TARS3: variants seen among roughly 807,000 people sequenced by gnomAD.
TARS3 encodes the protein threonyl-tRNA synthetase 3.
TARS3 carries 94 observed loss-of-function variants against 103.5 expected under a neutral mutation model. The observed-to-expected ratio is 0.91, with a 90% CI of 0.77 to 1.08. The LOEUF is 1.08. TARS3 is among the 50% of genes least tolerant of loss of function. TARS3 has a pLI of 0.00. For synonymous variants in TARS3, 416 were observed against 355.4 expected (o/e 1.17, Z -1.92); for missense variants, 952 against 995.2 (o/e 0.96, Z 0.58).
At chr15:101,655,169 T>C (rs62027587) in intron 18 of TARS3, among the ~76,000 whole-genome samples, 6,451 of 97,708 alleles carry the variant, frequency 0.066, 188 homozygotes, top group Middle Eastern at 0.09. Flanking sequence ...TCACACTGAC[T>C]CCACCTGGCA....
At chr15:101,711,784 G>C in intron 5 of TARS3, 96 bp downstream of exon 5, 2 of 1,390,632 alleles carry the variant, frequency 1.4e-6, no homozygotes, top group Non-Finnish European at 1.9e-6. Context: ...CATTATGTAA[G>C]GGCCAGCAGT....
intron 10 of TARS3, 68 bp downstream of exon 10, chr15:101,701,018 T>C: frequency 2.8e-6 from 3 of 1,076,820 alleles, no homozygotes; most frequent in South Asian, 1.7e-5. Flanking sequence ...ACCACTTTAT[T>C]ATGAGAGAAA....
intron 10 of TARS3, among the ~76,000 whole-genome samples, chr15:101,687,164 A>T (rs758634800): frequency 6.6e-6 from 1 of 152,132 alleles, no homozygotes; most frequent in Non-Finnish European, 1.5e-5. Flanking sequence ...GCACTTTGGG[A>T]GGCCAAGGTA....
rs770679135 is a variant in TARS3, at chr15:101,703,988, C to A, written c.996-51G>T. ...TCAGGCACAGTTACAGTGTTCTGGACTATTCATTATAAGCCATAATATCCT... is the reference window on the plus strand; with the variant it reads ...TCAGGCACAGTTACAGTGTTCTGGAATATTCATTATAAGCCATAATATCCT... On this transcript the variant is annotated intron_variant, in intron 7 of 18. Transcript: ENST00000335968. 9 of 1,329,628 alleles carry A rather than the reference C, an allele frequency of 6.8e-6. No individual in the cohort carries two copies. The Admixed American group carries it at 1.7e-4, about 25-fold the overall frequency. The allele number at this position is 1,329,628 out of a possible 1,614,324, so 82.4% of individuals were successfully genotyped here. A position where few individuals can be genotyped will look rare whatever the true frequency, so the allele number is the denominator to read the frequency against.
At chr15:101,678,687 C>A (rs974517732) in intron 12 of TARS3, among the ~76,000 whole-genome samples, 2 of 152,282 alleles carry the variant, frequency 1.3e-5, no homozygotes, top group South Asian at 4.1e-4. Flanking sequence ...GTGATTTTTA[C>A]TTCAATGATC....
chr15:101,672,016 G>A (rs1897826809), intron 13 of TARS3, among the ~76,000 whole-genome samples: 1 of 152,084 alleles, frequency 6.6e-6, no homozygotes, highest in Non-Finnish European at 1.5e-5. Context: ...AAGCATTAGG[G>A]AGGGGTCGCT....
At chr15:101,683,389 T>C (rs1048842987) in intron 12 of TARS3, among the ~76,000 whole-genome samples, 6 of 152,250 alleles carry the variant, frequency 3.9e-5, no homozygotes, top group African/African-American at 1.4e-4. Flanking sequence ...GGGTTAAACA[T>C]TAGGGTTAAT....
rs773906525 is a variant in TARS3 at position 101,714,926 on chromosome 15, T to C, written c.604A>G (p.Asn202Asp). The change falls in exon 4 of 19, where the codon AAT becomes GAT. Residue 202 changes from asparagine (N) to aspartate (D), a missense_variant. This residue lies in a region of TARS3 where 412 missense variants were observed against 364.2 expected (regional missense o/e 1.13). Transcript: ENST00000335968. ...LAESTVIAKVNGELWDLDRPL... is the reference protein window; with the variant it reads ...LAESTVIAKVDGELWDLDRPL... Reference sequence around the variant, plus strand: ...CGGTCCAGGTCCCACAGTTCACCATTGACTTTGGCTATTACCGTGCTTTCA... The same window carrying C: ...CGGTCCAGGTCCCACAGTTCACCATCGACTTTGGCTATTACCGTGCTTTCA... The C allele has an allele frequency of 1.2e-6, 2 of 1,612,432 alleles. No homozygotes were observed. Among genetic ancestry groups the C allele is most frequent in the Admixed American group, 1.7e-5 (1 of 59,944 alleles).
At chr15:101,701,899 C>T (rs1899301145) in intron 9 of TARS3, among the ~76,000 whole-genome samples, 2 of 152,314 alleles carry the variant, frequency 1.3e-5, no homozygotes, top group Admixed American at 1.3e-4. Context: ...CCTCAGCTTC[C>T]AGAGTAGCTG....
intron 10 of TARS3, among the ~76,000 whole-genome samples, chr15:101,700,024 A>C (rs887405163): frequency 6.6e-6 from 1 of 152,052 alleles, no homozygotes. Flanking sequence ...CTGGAGTAGG[A>C]CCAAATTTGA....
intron 16 of TARS3, among the ~76,000 whole-genome samples, chr15:101,661,507 C>A (rs1758236753): frequency 6.6e-6 from 1 of 151,804 alleles, no homozygotes; most frequent in Admixed American, 6.6e-5. Flanking sequence ...ATTTTCTGAT[C>A]TGGCAAATCG....
chr15:101,684,001 A>C (rs1337508424), intron 12 of TARS3, 74 bp downstream of exon 12: 1 of 1,435,214 alleles, frequency 7.0e-7, no homozygotes, highest in East Asian at 2.4e-5. Flanking sequence ...AGTAACTCTG[A>C]AAGAATACAA....
chr15:101,678,741 T>C (rs1484742190), intron 12 of TARS3, among the ~76,000 whole-genome samples: 2 of 152,172 alleles, frequency 1.3e-5, no homozygotes, highest in Non-Finnish European at 2.9e-5. Context: ...AAATATATTG[T>C]ATTTACCTGT....
rs1897240013 is a variant in TARS3, at chr15:101,657,689, T to G, written c.2145+96A>C. 5 of 758,510 alleles carry G rather than the reference T, an allele frequency of 6.6e-6. No individual in the cohort carries two copies. In the South Asian group the frequency reaches 1.1e-4, roughly 16 times the overall value. The allele number at this position is 758,510 out of a possible 1,614,324, so 47.0% of individuals were successfully genotyped here. ...ACACGGTTTAAGCTAATGTGTCAGT[T>G]CTGCAATATTTTAAAGCATGAAGGA... On this transcript the variant is annotated intron_variant, in intron 17 of 18. Transcript: ENST00000335968.
chr15:101,699,669 A>G (rs1899159590), intron 10 of TARS3, among the ~76,000 whole-genome samples: 1 of 152,080 alleles, frequency 6.6e-6, no homozygotes, highest in Non-Finnish European at 1.5e-5. Context: ...ATCTCCTACC[A>G]TTGCCTCGCA....
rs770722272 is a variant in TARS3, at chr15:101,657,811, GCC to G, written c.2117_2118del (p.Gly706AlafsTer4). 6.2e-7 allele frequency: 1 copy of G among 1,609,504 alleles called. No homozygotes were observed. Among genetic ancestry groups the G allele is most frequent in the South Asian group, 1.1e-5 (1 of 90,246 alleles). ...SPRQVMVIPV[G>X]PTCEKYALQV... is the part of the protein sequence containing the mutation. The stretch of plus-strand genomic sequence containing the variant: ...TGAAGTGCATATTTTTCACAAGTTG[GCC>G]CCACAGGGATGACCATCACCTGACG... On this transcript the variant is annotated frameshift_variant, in exon 17 of 19. Coordinates refer to ENST00000335968, the MANE Select transcript of TARS3 (RefSeq NM_152334.3). LOFTEE classifies it high-confidence loss of function.
chr15:101,722,575 G>C (rs958353440), intron 2 of TARS3, among the ~76,000 whole-genome samples: 1 of 148,434 alleles, frequency 6.7e-6, no homozygotes, highest in African/African-American at 2.5e-5. Context: ...GGGAAGCCAA[G>C]GTGGGCGGAT....
At chr15:101,696,305 C>T (rs758418052) in intron 10 of TARS3, among the ~76,000 whole-genome samples, 1 of 149,624 alleles carries the variant, frequency 6.7e-6, no homozygotes. Context: ...TACCATTTTA[C>T]GTTCCTACCA....
chr15:101,717,457 C>T lies in TARS3; in HGVS notation c.567-2494G>A, dbSNP rs539697809. Among the ~76,000 whole-genome samples, 14 of 152,264 alleles carry T rather than the reference C, an allele frequency of 9.2e-5. No individual in the cohort carries two copies. The South Asian group carries it at 1.9e-3, about 20-fold the overall frequency. On this transcript the variant is annotated intron_variant, in intron 3 of 18. Coordinates refer to ENST00000335968, the MANE Select transcript of TARS3 (RefSeq NM_152334.3). ...TGGCTGTCATAGATGGCTAGTGTTT[C>T]GCAAACCGATTCTGCCCTTCTTCTC...
Sources: gnomAD v4.1 joint callset for allele counts (sites outside exome capture counted in the v4.1 genomes callset) on GRCh38, gnomAD v4.1.1 for gene constraint, gnomAD v4.1.1 regional missense constraint, MANE v1.5 for transcripts, NCBI Gene and HGNC (gene_info 2026-07-23, HGNC 2026-07-21) for gene names.